Variants in MINDY4 observed in about 807,000 individuals in gnomAD.
The protein encoded by MINDY4 is probable ubiquitin carboxyl-terminal hydrolase MINDY-4.
MINDY4 carries 68 observed loss-of-function variants against 87.0 expected under a neutral mutation model. The observed-to-expected ratio is 0.78, with a 90% confidence interval of 0.64 to 0.96. The LOEUF (loss-of-function observed/expected upper bound fraction) is 0.96, where lower values mean the gene tolerates loss of function less well. Ranked by LOEUF, MINDY4 falls within the 40% of genes least tolerant of loss-of-function variation. The probability of loss-of-function intolerance (pLI) is 0.00; values close to 1 mark genes in which losing one functional copy is unlikely to be tolerated. For synonymous variants in MINDY4, 379 were observed against 363.2 expected, an observed-to-expected ratio of 1.04 and a Z score of -0.50; for missense variants, 919 against 928.2, an observed-to-expected ratio of 0.99 and a Z score of 0.13.
intron 5 of MINDY4, among the ~76,000 whole-genome samples, chr7:30,826,721 A>G (rs966313118): frequency 3.2e-4 from 49 of 152,310 alleles, no homozygotes; most frequent in African/African-American, 1.2e-3. Context: ...GCCACGGGAT[A>G]GGGTTACTTG....
intron 13 of MINDY4, among the ~76,000 whole-genome samples, chr7:30,863,952 C>T (rs1789851289): frequency 1.3e-5 from 2 of 152,238 alleles, no homozygotes; most frequent in South Asian, 4.1e-4. Context: ...TGCTCAGGGT[C>T]CTGGGGTCAG....
chr7:30,778,816 G>A (rs1786908257), intron 2 of MINDY4, among the ~76,000 whole-genome samples: 1 of 152,210 alleles, frequency 6.6e-6, no homozygotes, highest in Non-Finnish European at 1.5e-5. Context: ...GCAGTGCTCA[G>A]CCTCCCGCAG....
intron 5 of MINDY4, among the ~76,000 whole-genome samples, chr7:30,799,318 G>A (rs549458032): frequency 6.6e-6 from 1 of 152,250 alleles, no homozygotes; most frequent in Admixed American, 6.5e-5. Flanking sequence ...CTGTAAACCA[G>A]GGTCCTGTGA....
chr7:30,786,245 T>G, intron 4 of MINDY4: 1 of 487,366 alleles, frequency 2.1e-6, no homozygotes, highest in Non-Finnish European at 3.7e-6. Context: ...TGGTTTTCTG[T>G]TCCTCTGCTG....
At chr7:30,842,727 A>G (rs1247267849) in intron 9 of MINDY4, among the ~76,000 whole-genome samples, 1 of 152,162 alleles carries the variant, frequency 6.6e-6, no homozygotes, top group Non-Finnish European at 1.5e-5. Flanking sequence ...GTGGACTGAC[A>G]TTTTCATCTT....
At chr7:30,843,922 G>T (rs921342597) in intron 9 of MINDY4, among the ~76,000 whole-genome samples, 6 of 152,140 alleles carry the variant, frequency 3.9e-5, no homozygotes, top group South Asian at 2.1e-4. Context: ...CAGACCTTAT[G>T]GGGGGGCCTG....
At chr7:30,817,147 T>C (rs1005274807) in intron 5 of MINDY4, among the ~76,000 whole-genome samples, 8 of 152,114 alleles carry the variant, frequency 5.3e-5, no homozygotes, top group African/African-American at 1.9e-4. Context: ...ATGAAGACAC[T>C]GAAGAACTCC....
chr7:30,873,452 G>A (rs938770595), intron 14 of MINDY4, among the ~76,000 whole-genome samples: 10 of 152,188 alleles, frequency 6.6e-5, no homozygotes, highest in African/African-American at 2.4e-4. Flanking sequence ...TTCCTCATTT[G>A]TACAAGAGGC....
In MINDY4 at chr7:30,778,656, G is replaced by A. The variant is rs555482108; in HGVS notation, c.183+105G>A. 63 of 1,345,782 alleles carry A rather than the reference G, an allele frequency of 4.7e-5. No homozygotes were observed. The African/African-American group carries it at 8.1e-4, about 17-fold the overall frequency. 83.4% of individuals were successfully genotyped at this position (1,345,782 alleles called of 1,614,324 possible). A position where few individuals can be genotyped will look rare whatever the true frequency, so the allele number is the denominator to read the frequency against. On this transcript the variant is annotated intron_variant, in intron 2 of 17. Transcript: ENST00000265299. ...ACAGGAGAGGCTTGAGGTTCTCCTG[G>A]CCTGTCACACTTGCGGTCAGAGAGA...
intron 17 of MINDY4, among the ~76,000 whole-genome samples, chr7:30,890,113 G>A (rs866289817): frequency 6.6e-6 from 1 of 152,216 alleles, no homozygotes; most frequent in African/African-American, 2.4e-5. Flanking sequence ...GGAGGAGGAC[G>A]CAGAGAAAGT....
intron 8 of MINDY4, 54 bp from the exon 9 acceptor site, chr7:30,840,706 A>G (rs1436116290): frequency 5.1e-6 from 8 of 1,575,062 alleles, no homozygotes; most frequent in Middle Eastern, 1.9e-4. Flanking sequence ...GGTGAAACCA[A>G]AAACTCTGCC....
chr7:30,874,026 A>G (rs1263519636), intron 14 of MINDY4, among the ~76,000 whole-genome samples: 1 of 151,966 alleles, frequency 6.6e-6, no homozygotes. Flanking sequence ...GGATTTATTA[A>G]CCCCCGATGT....
At chr7:30,788,181 C>G (rs929008649) in intron 4 of MINDY4, among the ~76,000 whole-genome samples, 4 of 152,154 alleles carry the variant, frequency 2.6e-5, no homozygotes, top group Non-Finnish European at 5.9e-5. Context: ...TAGCCTCACA[C>G]AGATAAGCAG....
chr7:30,787,591 G>T (rs1183811476), intron 4 of MINDY4, among the ~76,000 whole-genome samples: 1 of 152,220 alleles, frequency 6.6e-6, no homozygotes, highest in Non-Finnish European at 1.5e-5. Context: ...GGGTTGAGTG[G>T]TGTAGCCTTG....
At chr7:30,880,375 A>G (rs551630512) in intron 15 of MINDY4, among the ~76,000 whole-genome samples, 1 of 134,844 alleles carries the variant, frequency 7.4e-6, no homozygotes, top group African/African-American at 2.8e-5. Context: ...AGTGAATTTC[A>G]TCTCTGGAAA....
intron 9 of MINDY4, among the ~76,000 whole-genome samples, chr7:30,843,186 GACAAATGA>G (rs1789095715): frequency 6.6e-6 from 1 of 152,340 alleles, no homozygotes; most frequent in African/African-American, 2.4e-5. Context: ...AGAACACATG[GACAAATGA>G]ATGAGTTATC....
At chr7:30,878,948 A>T (rs1015702035) in intron 15 of MINDY4, among the ~76,000 whole-genome samples, 27 of 152,212 alleles carry the variant, frequency 1.8e-4, no homozygotes, top group African/African-American at 5.5e-4. Context: ...GTGACAGCCT[A>T]GCCAAATTCA....
intron 8 of MINDY4, 67 bp from the exon 9 acceptor site, chr7:30,840,693 T>G (rs1789002788): frequency 6.7e-7 from 1 of 1,492,414 alleles, no homozygotes; most frequent in Admixed American, 1.8e-5. Context: ...TGGGGTGGGT[T>G]TGGGTGAAAC....
intron 17 of MINDY4, among the ~76,000 whole-genome samples, chr7:30,885,672 A>T (rs1225397496): frequency 6.6e-6 from 1 of 151,516 alleles, no homozygotes; most frequent in African/African-American, 2.4e-5. Flanking sequence ...TGGTCCCAGG[A>T]CCACACTTTG....
Sources: gnomAD v4.1 joint callset for allele counts (sites outside exome capture counted in the v4.1 genomes callset) on GRCh38, gnomAD v4.1.1 for gene constraint, MANE v1.5 for transcripts, NCBI Gene and HGNC (gene_info 2026-07-23, HGNC 2026-07-21) for gene names.